Variants in FGD4 observed in about 807,000 individuals in gnomAD.
FGD4 encodes FYVE, RhoGEF and PH domain-containing protein 4.
Under a neutral mutation model 102.0 loss-of-function variants are expected in FGD4, and 42 were observed. The observed-to-expected ratio is 0.41, with a 90% CI of 0.32 to 0.53. The LOEUF (loss-of-function observed/expected upper bound fraction) is 0.53, where lower values mean the gene tolerates loss of function less well. Among genes scored for constraint, FGD4 ranks in the 20% least tolerant of loss-of-function variants. FGD4 has a pLI of 0.21. For synonymous variants in FGD4, 380 were observed against 375.7 expected (o/e 1.01, Z -0.13); for missense variants, 902 against 1,078.2 (o/e 0.84, Z 2.29).
intron 14 of FGD4, among the ~76,000 whole-genome samples, chr12:32,633,060 T>G (rs1483382113): frequency 1.3e-5 from 2 of 152,096 alleles, no homozygotes; most frequent in African/African-American, 4.8e-5. Context: ...TTAAGAAATA[T>G]TTAGGAAGTA....
At chr12:32,590,795 T>C (rs1947411126) in intron 4 of FGD4, among the ~76,000 whole-genome samples, 1 of 152,234 alleles carries the variant, frequency 6.6e-6, no homozygotes, top group Non-Finnish European at 1.5e-5. Context: ...TAAATAGTGG[T>C]GGTTGTCACC....
At chr12:32,611,518 A>AAGTGAGCTGGTTGT (rs1949132949) in intron 10 of FGD4, among the ~76,000 whole-genome samples, 1 of 152,140 alleles carries the variant, frequency 6.6e-6, no homozygotes, top group East Asian at 1.9e-4. Context: ...TGAACCTGGG[A>AAGTGAGCTGGTTGT]AGTGAGCTGG....
intron 1 of FGD4, among the ~76,000 whole-genome samples, chr12:32,479,820 ACT>A (rs1307476095): frequency 2.4e-4 from 29 of 120,468 alleles, no homozygotes; most frequent in African/African-American, 8.6e-4. Flanking sequence ...ATTGGGTCTC[ACT>A]CTGTCACCCT....
intron 1 of FGD4, among the ~76,000 whole-genome samples, chr12:32,400,537 C>T (rs1940613747): frequency 6.6e-6 from 1 of 152,172 alleles, no homozygotes; most frequent in Non-Finnish European, 1.5e-5. Context: ...GTCAGTAATG[C>T]GGTGTTTTGA....
rs1937819811 is a variant in FGD4 at position 32,496,381 on chromosome 12, G to A, written c.167-67756G>A. Reference sequence around the variant, plus strand: ...AGCTTTTGCAGAATGTCTGTGTGATGTATCTTTGCTGTTTACCTGGTACTA... The same window carrying A: ...AGCTTTTGCAGAATGTCTGTGTGATATATCTTTGCTGTTTACCTGGTACTA... On this transcript the variant is annotated intron_variant, in intron 1 of 16. Coordinates refer to ENST00000534526, the MANE Select transcript of FGD4 (RefSeq NM_001370298.3). Among the ~76,000 whole-genome samples the A allele has an allele frequency of 2.6e-5, 4 of 152,186 alleles. No individual in the cohort carries two copies. In the South Asian group the frequency reaches 8.3e-4, roughly 32 times the overall value.
intron 1 of FGD4, among the ~76,000 whole-genome samples, chr12:32,411,225 G>C (rs1294996714): frequency 6.6e-6 from 1 of 151,714 alleles, no homozygotes; most frequent in African/African-American, 2.4e-5. Context: ...CACTGCGCCC[G>C]GCCGCTCATT....
chr12:32,601,375 TC>T lies in FGD4; in HGVS notation c.1201del (p.His401IlefsTer40). 1.2e-6 allele frequency: 2 copies of T among 1,614,114 alleles called. No homozygotes were observed. Among genetic ancestry groups the T allele is most frequent in the Non-Finnish European group, 1.7e-6 (2 of 1,179,996 alleles). ...TCTAATATTTCATCAATAAATGCCTTCCATAGTAAATTCCTCTTGCCAGAGC... is the reference window on the plus strand; with the variant it reads ...TCTAATATTTCATCAATAAATGCCTTCATAGTAAATTCCTCTTGCCAGAGC... ...IFSNISSINA[F>X]HSKFLLPELE... On this transcript the variant is annotated frameshift_variant, in exon 6 of 17. Coordinates refer to ENST00000534526, the MANE Select transcript of FGD4 (RefSeq NM_001370298.3). LOFTEE classifies it high-confidence loss of function.
At chr12:32,531,744 T>C (rs1464989565) in intron 1 of FGD4, among the ~76,000 whole-genome samples, 1 of 152,226 alleles carries the variant, frequency 6.6e-6, no homozygotes, top group African/African-American at 2.4e-5. Flanking sequence ...TTTTTGTCAA[T>C]GTAAATCCTC....
intron 1 of FGD4, among the ~76,000 whole-genome samples, chr12:32,402,455 G>T (rs897760269): frequency 1.3e-5 from 2 of 151,802 alleles, no homozygotes; most frequent in South Asian, 2.1e-4. Flanking sequence ...GAGAGAGATG[G>T]GGTCTCACTG....
chr12:32,559,044 A>G (rs1944333272), intron 1 of FGD4, among the ~76,000 whole-genome samples: 1 of 152,248 alleles, frequency 6.6e-6, no homozygotes, highest in Non-Finnish European at 1.5e-5. Flanking sequence ...AATCAGCCCT[A>G]CTGGTTCTTC....
chr12:32,480,714 T>C (rs1347746331), intron 1 of FGD4, among the ~76,000 whole-genome samples: 2 of 151,654 alleles, frequency 1.3e-5, no homozygotes, highest in Admixed American at 6.6e-5. Context: ...TTGGCCAGGA[T>C]GCTCTTGCTC....
intron 1 of FGD4, among the ~76,000 whole-genome samples, chr12:32,421,441 G>A (rs562270248): frequency 2.0e-5 from 3 of 152,192 alleles, no homozygotes; most frequent in East Asian, 1.9e-4. Context: ...TGATGTTGTC[G>A]TAGGGCCTTA....
intron 1 of FGD4, among the ~76,000 whole-genome samples, chr12:32,543,653 G>T (rs551435146): frequency 1.3e-5 from 2 of 152,252 alleles, no homozygotes; most frequent in South Asian, 4.2e-4. Flanking sequence ...TTGAGACAGG[G>T]TCTCACTGTG....
chr12:32,625,516 T>C lies in FGD4; in HGVS notation c.2047-138T>C, dbSNP rs11052112. 136,919 of 1,055,070 alleles carry C rather than the reference T, an allele frequency of 0.13. 10,062 individuals are homozygous for C. Among genetic ancestry groups the C allele is most frequent in the African/African-American group, 0.23 (14,097 of 62,604 alleles). The allele number at this position is 1,055,070 out of a possible 1,614,324, so 65.4% of individuals were successfully genotyped here. ...AACTACTGACTTCAGGTGATCCGCC[T>C]GCCTCAGCTTCCGAAAGTGCTGGGA... On this transcript the variant is annotated intron_variant, in intron 13 of 16. Coordinates refer to ENST00000534526, the MANE Select transcript of FGD4 (RefSeq NM_001370298.3).
chr12:32,419,857 A>G (rs952189699), intron 1 of FGD4, among the ~76,000 whole-genome samples: 1 of 152,004 alleles, frequency 6.6e-6, no homozygotes, highest in African/African-American at 2.4e-5. Context: ...GGCAGCACTG[A>G]GTTCAAAGCA....
At chr12:32,417,879 C>G (rs1237979263) in intron 1 of FGD4, among the ~76,000 whole-genome samples, 1 of 151,648 alleles carries the variant, frequency 6.6e-6, no homozygotes, top group Admixed American at 6.6e-5. Flanking sequence ...TTCCTTACCA[C>G]AGCTCTTTTG....
At chr12:32,525,702 G>A (rs1335709890) in intron 1 of FGD4, among the ~76,000 whole-genome samples, 1 of 152,328 alleles carries the variant, frequency 6.6e-6, no homozygotes, top group Admixed American at 6.5e-5. Flanking sequence ...CCGGGGCTGC[G>A]TGTGGCGCTT....
At chr12:32,480,165 G>GTTTT (rs566121849) in intron 1 of FGD4, among the ~76,000 whole-genome samples, 1 of 61,486 alleles carries the variant, frequency 1.6e-5, no homozygotes, top group Non-Finnish European at 4.2e-5. Flanking sequence ...GGTTTTTTTT[G>GTTTT]TTTTTTTTGT....
At chr12:32,637,880 C>T (rs989157316) in intron 15 of FGD4, 4 of 152,110 alleles carry the variant, frequency 2.6e-5, no homozygotes, top group African/African-American at 9.7e-5. Flanking sequence ...ACATGGGGAT[C>T]GTGGGGATTA....
Sources: gnomAD v4.1 joint callset for allele counts (sites outside exome capture counted in the v4.1 genomes callset) on GRCh38, gnomAD v4.1.1 for gene constraint, MANE v1.5 for transcripts, NCBI Gene and HGNC (gene_info 2026-07-23, HGNC 2026-07-21) for gene names.